The following COL5A1 variants were observed in gnomAD, a reference collection of about 807,000 sequenced individuals.
The protein encoded by COL5A1 is collagen alpha-1(V) chain.
COL5A1 carries 16 observed loss-of-function variants against 263.7 expected under a neutral mutation model. That is an observed-to-expected ratio of 0.06 (90% CI 0.04 to 0.09). The LOEUF is 0.09. Among genes scored for constraint, COL5A1 ranks in the 10% least tolerant of loss-of-function variants. COL5A1 has a pLI of 1.00. For missense variants in COL5A1, 2,036 were observed against 2,540.5 expected (o/e 0.80, Z 4.27); for synonymous variants, 1,012 against 1,004.5 (o/e 1.01, Z -0.14).
rs150591401 is a variant in COL5A1, at chr9:134,812,640, C to A, written c.3780C>A (p.Ser1260=). 7 of 1,600,160 alleles carry A rather than the reference C, an allele frequency of 4.4e-6. No homozygotes were observed. In the South Asian group the frequency reaches 5.6e-5, roughly 13 times the overall value. The change falls in exon 48 of 66, where the codon TCC becomes TCA. Residue 1260 remains serine (S), a synonymous_variant. Coordinates refer to ENST00000371817, the MANE Select transcript of COL5A1 (RefSeq NM_000093.5). The part of the protein sequence containing the change: ...PPGPPGPRGP[S]GAPGADGPQG... ...GTCCCCCTGGCCCCCGAGGACCCTC[C>A]GGAGCTCCAGGTGCTGATGGCCCAC...
chr9:134,782,563 G>A lies in COL5A1; in HGVS notation c.2431-104G>A, dbSNP rs560737725. 77 of 1,086,374 alleles carry A rather than the reference G, an allele frequency of 7.1e-5. No individual in the cohort carries two copies. The Middle Eastern group carries it at 7.9e-4, about 11-fold the overall frequency. The allele number at this position is 1,086,374 out of a possible 1,614,324, so 67.3% of individuals were successfully genotyped here. A position where few individuals can be genotyped will look rare whatever the true frequency, so the allele number is the denominator to read the frequency against. ...CCGGGCCATGTGCTGCCCCCCAAGC[G>A]TGGGGGACCTGGTGCTGAGTGTGGT... is the stretch of plus-strand genomic sequence containing the variant. On this transcript the variant is annotated intron_variant, in intron 28 of 65. Coordinates refer to ENST00000371817, the MANE Select transcript of COL5A1 (RefSeq NM_000093.5).
rs185366661 is a variant in COL5A1, at chr9:134,786,664, A to C, written c.2646+616A>C. 2.4e-3 allele frequency among the ~76,000 whole-genome samples: 365 copies of C among 152,342 alleles called. 2 individuals carry two copies. The highest frequency in any genetic ancestry group is 8.5e-3 in the African/African-American group (354 of 41,568). ...TGAAATCATGTTCAGGTTTAAGTGA[A>C]ACAGCTCCTTGAGGCTTTGGAAATC... On this transcript the variant is annotated intron_variant, in intron 31 of 65. Coordinates refer to ENST00000371817, the MANE Select transcript of COL5A1 (RefSeq NM_000093.5).
Position 134,680,708 on chromosome 9 carries a change from C to G in COL5A1, c.110-10204C>G, listed in dbSNP as rs544792738. 6.6e-6 allele frequency among the ~76,000 whole-genome samples: 1 copy of G among 152,298 alleles called. No individual in the cohort carries two copies. Among genetic ancestry groups the G allele is most frequent in the South Asian group, 2.1e-4 (1 of 4,816 alleles). On this transcript the variant is annotated intron_variant, in intron 1 of 65. Transcript: ENST00000371817. This position sits in a 1 kb window ranked among gnomAD's most constrained non-coding sequence, Gnocchi z 5.9. Reference sequence around the variant, plus strand: ...TGCACCATGATGGGGTCTTGCAGGACGGTGACACTGGTGAGGAGATGGACC... The same window carrying G: ...TGCACCATGATGGGGTCTTGCAGGAGGGTGACACTGGTGAGGAGATGGACC...
intron 22 of COL5A1, 116 bp from the exon 23 acceptor site, chr9:134,766,884 T>G (rs4842159): frequency 1.0e-6 from 1 of 993,958 alleles, no homozygotes; most frequent in Non-Finnish European, 1.6e-6. Context: ...CCGCTGGCAT[T>G]AGGCAGTGGG....
chr9:134,647,465 G>T lies in COL5A1; in HGVS notation c.109+5169G>T, dbSNP rs755917571. On this transcript the variant is annotated intron_variant, in intron 1 of 65. Transcript: ENST00000371817. The surrounding 1 kb of genome is among the most constrained non-coding windows in gnomAD (Gnocchi z 5.0). ...TCTGCCTGCACACATGTGTTTGTGG[G>T]TATACATGTGTGTTTGAGTGTGCAC... Among the ~76,000 whole-genome samples, 1 of 152,198 alleles carries T rather than the reference G, an allele frequency of 6.6e-6. No individual in the cohort carries two copies. Among genetic ancestry groups the T allele is most frequent in the Non-Finnish European group, 1.5e-5 (1 of 68,046 alleles).
intron 1 of COL5A1, among the ~76,000 whole-genome samples, chr9:134,645,114 C>T (rs555426836): frequency 3.3e-5 from 5 of 152,322 alleles, no homozygotes; most frequent in African/African-American, 9.6e-5. Context: ...TGTGCCCACC[C>T]AGCAGTGCGG....
At chr9:134,744,142 A>G (rs962077387) in intron 11 of COL5A1, among the ~76,000 whole-genome samples, 2 of 152,214 alleles carry the variant, frequency 1.3e-5, no homozygotes, top group African/African-American at 4.8e-5. Context: ...AGCAAGCAGC[A>G]TGGGATTCAT....
intron 2 of COL5A1, among the ~76,000 whole-genome samples, chr9:134,694,887 T>C (rs1249910133): frequency 6.6e-6 from 1 of 152,146 alleles, no homozygotes; most frequent in Non-Finnish European, 1.5e-5. Context: ...CCTGGCTTCC[T>C]CACCAGGCGG....
chr9:134,804,965 CTG>C lies in COL5A1; in HGVS notation c.3115-8_3115-7del. The C allele has an allele frequency of 6.2e-7, 1 of 1,612,306 alleles. No individual in the cohort carries two copies. Among genetic ancestry groups the C allele is most frequent in the South Asian group, 1.1e-5 (1 of 91,044 alleles). On this transcript the variant is annotated splice_region_variant and splice_polypyrimidine_tract_variant and intron_variant, in intron 39 of 65. Coordinates refer to ENST00000371817, the MANE Select transcript of COL5A1 (RefSeq NM_000093.5). ...GCTCCAGGAAAGCTCATCTCTGACT[CTG>C]TTTTCAGGGTGACCCAGGCCCTGCA...
Position 134,824,744 on chromosome 9 carries a change from C to T in COL5A1, c.4843C>T (p.Leu1615Phe). Residue 1615 changes from leucine to phenylalanine, a missense_variant, in exon 62 of 66, where the codon CTC (leucine) becomes TTC (phenylalanine). Physicochemically the swap from Leu to Phe is conservative, Grantham distance 22 (BLOSUM62 0). Transcript: ENST00000371817. ...ADGMEEIFGS[L>F]NSLKLEIEQM... is the part of the protein sequence containing the mutation. The stretch of plus-strand genomic sequence containing the variant: ...CGGCATGGAAGAGATCTTCGGCTCT[C>T]TCAACTCTCTGAAGCTGGAGATTGA... 6.2e-7 allele frequency: 1 copy of T among 1,614,226 alleles called. No homozygotes were observed. Among genetic ancestry groups the T allele is most frequent in the South Asian group, 1.1e-5 (1 of 91,086 alleles).
intron 37 of COL5A1, among the ~76,000 whole-genome samples, chr9:134,800,281 T>G (rs1156917943): frequency 1.3e-5 from 2 of 150,466 alleles, no homozygotes; most frequent in Non-Finnish European, 2.9e-5. Flanking sequence ...CCGATCTCCC[T>G]TCAGGCTCTT....
intron 9 of COL5A1, among the ~76,000 whole-genome samples, chr9:134,737,215 G>T (rs1319350186): frequency 6.6e-6 from 1 of 152,232 alleles, no homozygotes; most frequent in South Asian, 2.1e-4. Context: ...CGTGGAGGGC[G>T]CCATGGCCGC....
rs1831508413 is a variant in COL5A1 at position 134,647,376 on chromosome 9, T to TGTG, written c.109+5081_109+5082insTGG. ...CGTTTGTGTGTATGTGTGTCATGTG[T>TGTG]GCGTGTGTGTGTGTGTGTGTCAGGC... On this transcript the variant is annotated intron_variant, in intron 1 of 65. Transcript: ENST00000371817. This position sits in a 1 kb window ranked among gnomAD's most constrained non-coding sequence, Gnocchi z 5.0. 1.3e-5 allele frequency among the ~76,000 whole-genome samples: 2 copies of TGTG among 151,518 alleles called. No homozygotes were observed. Among genetic ancestry groups the TGTG allele is most frequent in the Non-Finnish European group, 2.9e-5 (2 of 67,998 alleles).
chr9:134,690,891 G>T (rs1055042889), intron 1 of COL5A1, 21 bp from the exon 2 acceptor site: 1 of 1,613,160 alleles, frequency 6.2e-7, no homozygotes, highest in East Asian at 2.2e-5. Context: ...GGCTAACTCT[G>T]CTCCTCCTCT....
At chr9:134,819,156 T>G in intron 57 of COL5A1, 103 bp downstream of exon 57, 1 of 1,236,056 alleles carries the variant, frequency 8.1e-7, no homozygotes, top group East Asian at 2.4e-5. Flanking sequence ...CCTAAATGTG[T>G]CAAGCACCTG....
intron 23 of COL5A1, 83 bp from the exon 24 acceptor site, chr9:134,767,227 T>C: frequency 6.7e-7 from 1 of 1,500,362 alleles, no homozygotes; most frequent in South Asian, 1.1e-5. Context: ...GAGACATCAA[T>C]GAGAAGATGG....
chr9:134,738,061 C>G (rs1323517735), intron 9 of COL5A1, among the ~76,000 whole-genome samples: 2 of 152,192 alleles, frequency 1.3e-5, no homozygotes, highest in African/African-American at 4.8e-5. Context: ...CTTATCCTTC[C>G]CAAATCCACC....
chr9:134,783,065 C>T (rs527461849), intron 29 of COL5A1, among the ~76,000 whole-genome samples: 104 of 152,308 alleles, frequency 6.8e-4, no homozygotes, highest in Non-Finnish European at 9.6e-4. Context: ...GAGGGATAAG[C>T]GGTGCCTGGG....
At chr9:134,683,909 C>T (rs1832935483) in intron 1 of COL5A1, among the ~76,000 whole-genome samples, 1 of 152,222 alleles carries the variant, frequency 6.6e-6, no homozygotes, top group Non-Finnish European at 1.5e-5. Context: ...AGGGTGCCCC[C>T]AAGCGTCTCC....
Sources: gnomAD v4.1 joint callset for allele counts (sites outside exome capture counted in the v4.1 genomes callset) on GRCh38, gnomAD v4.1.1 for gene constraint, Gnocchi (gnomAD v3.1) non-coding constraint, MANE v1.5 for transcripts, NCBI Gene and HGNC (gene_info 2026-07-23, HGNC 2026-07-21) for gene names.